Variants in PTPRN2 observed in about 807,000 individuals in gnomAD.
PTPRN2 encodes the protein receptor-type tyrosine-protein phosphatase N2.
Under a neutral mutation model 118.8 loss-of-function variants are expected in PTPRN2, and 74 were observed. The observed-to-expected ratio is 0.62, with a 90% CI of 0.52 to 0.76. The LOEUF (loss-of-function observed/expected upper bound fraction) is 0.76. Ranked by LOEUF, PTPRN2 falls within the 30% of genes least tolerant of loss-of-function variation. PTPRN2 has a pLI of 0.00. For synonymous variants in PTPRN2, 641 were observed against 608.0 expected, an observed-to-expected ratio of 1.05 and a Z score of -0.80; for missense variants, 1,481 against 1,394.4, an observed-to-expected ratio of 1.06 and a Z score of -0.99.
chr7:157,755,748 G>C (rs1801743346), intron 12 of PTPRN2, among the ~76,000 whole-genome samples: 1 of 152,012 alleles, frequency 6.6e-6, no homozygotes, highest in South Asian at 2.1e-4. Context: ...GAAGGGGAGA[G>C]GGAAGGAGTG....
At chr7:158,059,904 G>A (rs572050535) in intron 11 of PTPRN2, among the ~76,000 whole-genome samples, 2 of 99,890 alleles carry the variant, frequency 2.0e-5, no homozygotes, top group South Asian at 4.1e-4. Flanking sequence ...CACTCCATCT[G>A]CACACGGTGA....
chr7:158,121,186 C>T (rs1458360938), intron 9 of PTPRN2, among the ~76,000 whole-genome samples: 1 of 152,046 alleles, frequency 6.6e-6, no homozygotes, highest in Non-Finnish European at 1.5e-5. Flanking sequence ...TGCCTCAGCC[C>T]CCTGCACCCC....
rs539384251 is a variant in PTPRN2 at position 157,560,051 on chromosome 7, C to T, written c.2902+8851G>A. Among the ~76,000 whole-genome samples, 50 of 152,308 alleles carry T rather than the reference C, an allele frequency of 3.3e-4. No homozygotes were observed. The highest frequency in any genetic ancestry group is 1.2e-3 in the East Asian group (6 of 5,168). On this transcript the variant is annotated intron_variant, in intron 21 of 22. Coordinates refer to ENST00000389418, the MANE Select transcript of PTPRN2 (RefSeq NM_002847.5). This position sits in a 1 kb window ranked among gnomAD's most constrained non-coding sequence, Gnocchi z 6.7. ...GGGAGCTTGCAGAAGGGACAGCCCT[C>T]GGCCAGGTGGGACCTGAACGACATT...
At chr7:157,936,403 A>T (rs1799700628) in intron 11 of PTPRN2, among the ~76,000 whole-genome samples, 1 of 151,532 alleles carries the variant, frequency 6.6e-6, no homozygotes, top group South Asian at 2.1e-4. Context: ...TGTGTCCCTC[A>T]CTCCACCAGG....
chr7:157,628,100 C>T lies in PTPRN2; in HGVS notation c.2197-6591G>A, dbSNP rs183436228. On this transcript the variant is annotated intron_variant, in intron 14 of 22. Transcript: ENST00000389418. ...AGTCACTGGGTCACAAGACTGGGTG[C>T]TGCTAGACGGGTTTTGGAGGAAACA... Among the ~76,000 whole-genome samples the T allele has an allele frequency of 9.8e-5, 15 of 152,326 alleles. No homozygotes were observed. The East Asian group carries it at 2.9e-3, about 29-fold the overall frequency.
chr7:158,112,303 C>T (rs1816348377), intron 9 of PTPRN2, among the ~76,000 whole-genome samples: 1 of 152,194 alleles, frequency 6.6e-6, no homozygotes, highest in Non-Finnish European at 1.5e-5. Flanking sequence ...TAGGAGGCCT[C>T]TCCAGTGGGG....
chr7:158,104,381 C>T (rs185972494), intron 10 of PTPRN2, among the ~76,000 whole-genome samples: 56 of 152,160 alleles, frequency 3.7e-4, no homozygotes, highest in African/African-American at 1.3e-3. Flanking sequence ...GCAAAGATAC[C>T]GCTGTGAAAA....
At chr7:157,677,369 G>A (rs1796718271) in intron 13 of PTPRN2, among the ~76,000 whole-genome samples, 1 of 152,032 alleles carries the variant, frequency 6.6e-6, no homozygotes, top group Non-Finnish European at 1.5e-5. Flanking sequence ...GTGGCTTGCT[G>A]TACCCCAACG....
chr7:157,890,854 C>T (rs759173633), intron 12 of PTPRN2, among the ~76,000 whole-genome samples: 3 of 152,228 alleles, frequency 2.0e-5, no homozygotes, highest in Non-Finnish European at 4.4e-5. Flanking sequence ...AATAGCATTT[C>T]TTCCAGCCAA....
chr7:158,137,558 G>A (rs747135225), intron 7 of PTPRN2, among the ~76,000 whole-genome samples: 24 of 152,082 alleles, frequency 1.6e-4, no homozygotes, highest in Non-Finnish European at 1.3e-4. Context: ...GCCATGGTGC[G>A]GGTCCCGATT....
intron 11 of PTPRN2, among the ~76,000 whole-genome samples, chr7:157,948,017 A>T (rs963884363): frequency 6.6e-6 from 1 of 152,242 alleles, no homozygotes; most frequent in Non-Finnish European, 1.5e-5. Flanking sequence ...AAGCTGAGGG[A>T]GTTTGTCACT....
chr7:158,018,051 G>T (rs1190142560), intron 11 of PTPRN2, among the ~76,000 whole-genome samples: 1 of 152,154 alleles, frequency 6.6e-6, no homozygotes, highest in African/African-American at 2.4e-5. Context: ...AGTTTCTGGG[G>T]CCAAGCGAGT....
chr7:158,472,355 A>C (rs1181630761), intron 2 of PTPRN2, among the ~76,000 whole-genome samples: 1 of 152,194 alleles, frequency 6.6e-6, no homozygotes, highest in Non-Finnish European at 1.5e-5. Context: ...ATTTAACACT[A>C]AGGGACCAAG....
intron 12 of PTPRN2, among the ~76,000 whole-genome samples, chr7:157,895,419 TA>T (rs1256212893): frequency 6.6e-6 from 1 of 152,038 alleles, no homozygotes; most frequent in Non-Finnish European, 1.5e-5. Context: ...GACGAGACCA[TA>T]AAATAAGCCA....
At chr7:158,469,612 C>G (rs1311429880) in intron 2 of PTPRN2, among the ~76,000 whole-genome samples, 1 of 152,136 alleles carries the variant, frequency 6.6e-6, no homozygotes, top group Non-Finnish European at 1.5e-5. Flanking sequence ...ACCGAGCACT[C>G]GCTCGAGAGC....
intron 1 of PTPRN2, among the ~76,000 whole-genome samples, chr7:158,557,603 C>G (rs1338745030): frequency 6.6e-6 from 1 of 152,252 alleles, no homozygotes; most frequent in African/African-American, 2.4e-5. Flanking sequence ...CTCTGAAGAG[C>G]TGAGAACAGG....
chr7:157,964,407 T>C lies in PTPRN2; in HGVS notation c.1724-65670A>G, dbSNP rs542314747. Among the ~76,000 whole-genome samples, 7 of 152,052 alleles carry C rather than the reference T, an allele frequency of 4.6e-5. No individual in the cohort carries two copies. The highest frequency in any genetic ancestry group is 7.3e-5 in the African/African-American group (3 of 41,368). ...GGTTATTAGCATATTAGGATGACAT[T>C]TGACCCTAACATTCCAGTTTTGTGC... On this transcript the variant is annotated intron_variant, in intron 11 of 22. Coordinates refer to ENST00000389418, the MANE Select transcript of PTPRN2 (RefSeq NM_002847.5). The surrounding 1 kb of genome is among the most constrained non-coding windows in gnomAD (Gnocchi z 9.0).
At chr7:157,570,077 G>A (rs145822204) in intron 20 of PTPRN2, among the ~76,000 whole-genome samples, 31 of 152,354 alleles carry the variant, frequency 2.0e-4, no homozygotes, top group African/African-American at 6.7e-4. Context: ...AGCTGCAGTT[G>A]GGATGGTAAA....
intron 12 of PTPRN2, among the ~76,000 whole-genome samples, chr7:157,741,494 A>G (rs1800630061): frequency 6.6e-6 from 1 of 152,102 alleles, no homozygotes; most frequent in Admixed American, 6.5e-5. Context: ...CTTGTCTAGG[A>G]TGCTTCTCCT....
Sources: gnomAD v4.1 joint callset for allele counts (sites outside exome capture counted in the v4.1 genomes callset) on GRCh38, gnomAD v4.1.1 for gene constraint, Gnocchi (gnomAD v3.1) non-coding constraint, MANE v1.5 for transcripts, NCBI Gene and HGNC (gene_info 2026-07-23, HGNC 2026-07-21) for gene names.